Variants in ARHGAP39 observed in about 807,000 individuals in gnomAD.
ARHGAP39 encodes the protein Rho GTPase activating protein 39.
A neutral mutation model predicts 106.9 loss-of-function variants in ARHGAP39; 44 were observed. The observed-to-expected ratio is 0.41, with a 90% CI of 0.32 to 0.53. The LOEUF (loss-of-function observed/expected upper bound fraction) is 0.53. Among genes scored for constraint, ARHGAP39 ranks in the 20% least tolerant of loss-of-function variants. ARHGAP39 has a pLI of 0.21. For missense variants in ARHGAP39, 1,496 were observed against 1,577.3 expected (o/e 0.95, Z 0.87); for synonymous variants, 768 against 693.2 (o/e 1.11, Z -1.69).
intron 1 of ARHGAP39, among the ~76,000 whole-genome samples, chr8:144,619,197 G>A (rs142938149): frequency 2.6e-5 from 4 of 152,342 alleles, no homozygotes; most frequent in Admixed American, 2.6e-4. Context: ...TGGAACAGAG[G>A]ATGCTCTGTG....
chr8:144,619,141 C>T (rs934125682), intron 1 of ARHGAP39, among the ~76,000 whole-genome samples: 3 of 152,202 alleles, frequency 2.0e-5, no homozygotes, highest in African/African-American at 7.2e-5. Context: ...AAGTTCCAGT[C>T]ATGAGTGGGC....
At position 144,545,636 on chromosome 8, in the gene ARHGAP39, G is replaced by A. The variant is rs142076644; in HGVS notation, c.2134C>T (p.Arg712Trp). ...AGCATGTTGGCGATGGACACCTTCCGCCGGAAGAGGCCCTGCGTGTGCTTG... is the reference window on the plus strand; with the variant it reads ...AGCATGTTGGCGATGGACACCTTCCACCGGAAGAGGCCCTGCGTGTGCTTG... ...FNKHTQGLFR[R>W]KVSIANMLAW... is the part of the protein sequence containing the mutation. The change falls in exon 6 of 12, where the codon CGG (arginine) becomes TGG (tryptophan). Residue 712 changes from arginine (R) to tryptophan (W), a missense_variant. Physicochemically the swap from Arg to Trp is moderately radical, Grantham distance 101 (BLOSUM62 -3). This residue lies in a region of ARHGAP39 where 470 missense variants were observed against 605.1 expected (regional missense o/e 0.78). Transcript: ENST00000377307. 3.1e-6 allele frequency: 5 copies of A among 1,613,634 alleles called. No homozygotes were observed. Among genetic ancestry groups the A allele is most frequent in the African/African-American group, 1.3e-5 (1 of 75,054 alleles).
intron 3 of ARHGAP39, among the ~76,000 whole-genome samples, chr8:144,570,119 G>T (rs546468590): frequency 6.6e-6 from 1 of 152,206 alleles, no homozygotes; most frequent in Non-Finnish European, 1.5e-5. Context: ...TACTCAGGAG[G>T]CTGAGGCAGG....
intron 1 of ARHGAP39, among the ~76,000 whole-genome samples, chr8:144,657,882 C>T (rs2129672488): frequency 1.3e-5 from 2 of 152,292 alleles, no homozygotes; most frequent in South Asian, 4.1e-4. Flanking sequence ...TAGCTACAGT[C>T]AGCCCTCCAC....
intron 1 of ARHGAP39, among the ~76,000 whole-genome samples, chr8:144,682,612 T>C (rs528767750): frequency 6.6e-5 from 10 of 152,076 alleles, no homozygotes; most frequent in African/African-American, 2.4e-4. Context: ...AATGTTACAC[T>C]GCTGGTGATT....
Position 144,548,702 on chromosome 8 carries a change from A to G in ARHGAP39, c.597-213T>C, listed in dbSNP as rs1399109934. Among the ~76,000 whole-genome samples the G allele has an allele frequency of 6.6e-6, 1 of 152,112 alleles. No homozygotes were observed. Among genetic ancestry groups the G allele is most frequent in the African/African-American group, 2.4e-5 (1 of 41,430 alleles). Reference sequence around the variant, plus strand: ...TCTCCTGGAGCTGCCGCCCACGACCAGGTGTCTGTCTGCTCTGATCCCAGC... The same window carrying G: ...TCTCCTGGAGCTGCCGCCCACGACCGGGTGTCTGTCTGCTCTGATCCCAGC... On this transcript the variant is annotated intron_variant, in intron 4 of 11. Transcript: ENST00000377307. This position sits in a 1 kb window ranked among gnomAD's most constrained non-coding sequence, Gnocchi z 7.4.
chr8:144,629,702 G>A (rs1488443725), intron 1 of ARHGAP39, among the ~76,000 whole-genome samples: 1 of 152,238 alleles, frequency 6.6e-6, no homozygotes, highest in Non-Finnish European at 1.5e-5. Flanking sequence ...CTGCCCAGGG[G>A]CCTGGGGCCA....
chr8:144,532,818 G>C (rs954119031), intron 9 of ARHGAP39, among the ~76,000 whole-genome samples: 1 of 152,210 alleles, frequency 6.6e-6, no homozygotes, highest in African/African-American at 2.4e-5. Context: ...CCTGTCATCT[G>C]AGGCTCCCAC....
intron 2 of ARHGAP39, among the ~76,000 whole-genome samples, chr8:144,598,778 C>T (rs1464338322): frequency 6.6e-6 from 1 of 152,200 alleles, no homozygotes; most frequent in African/African-American, 2.4e-5. Context: ...GGATGGCCAA[C>T]CTGACTACAC....
chr8:144,537,881 C>G, intron 6 of ARHGAP39, 68 bp from the exon 7 acceptor site: 1 of 1,441,682 alleles, frequency 6.9e-7, no homozygotes, highest in South Asian at 1.2e-5. Flanking sequence ...ACTCAGCTCC[C>G]GCACTTGGCT....
chr8:144,631,072 C>T (rs1821049095), intron 1 of ARHGAP39, among the ~76,000 whole-genome samples: 1 of 152,186 alleles, frequency 6.6e-6, no homozygotes, highest in African/African-American at 2.4e-5. Flanking sequence ...AAAGCAGGGG[C>T]AAGAGGGGGC....
intron 3 of ARHGAP39, among the ~76,000 whole-genome samples, chr8:144,571,328 T>C (rs1297939411): frequency 6.6e-6 from 1 of 152,118 alleles, no homozygotes; most frequent in Admixed American, 6.5e-5. Flanking sequence ...TGGTTCAACA[T>C]ACGCAAATCA....
chr8:144,601,971 G>T (rs189070958), intron 2 of ARHGAP39, among the ~76,000 whole-genome samples: 1 of 138,500 alleles, frequency 7.2e-6, no homozygotes, highest in African/African-American at 2.8e-5. Flanking sequence ...GTTCATGTGC[G>T]TGGAGGTGCG....
In ARHGAP39 at chr8:144,530,834, C is replaced by T. The variant is rs752433867; in HGVS notation, c.3018G>A (p.Glu1006=). Residue 1006 remains glutamate, a synonymous_variant, in exon 11 of 12, where the codon GAG becomes GAA. Coordinates refer to ENST00000377307, the MANE Select transcript of ARHGAP39 (RefSeq NM_025251.3). The part of the protein sequence containing the change: ...LLKLWYRELE[E]PLIPHEFYEQ... ...CGTAGAACTCGTGCGGGATCAGGGG[C>T]TCCTCCAGCTCCCGGTACCACAGCT... The T allele has an allele frequency of 6.2e-7, 1 of 1,610,956 alleles. No homozygotes were observed. Among genetic ancestry groups the T allele is most frequent in the Non-Finnish European group, 8.5e-7 (1 of 1,179,590 alleles).
At chr8:144,599,169 G>A (rs1373075837) in intron 2 of ARHGAP39, among the ~76,000 whole-genome samples, 1 of 152,286 alleles carries the variant, frequency 6.6e-6, no homozygotes, top group Admixed American at 6.5e-5. Flanking sequence ...GCAGTCCCTC[G>A]TCAGAAATTC....
At chr8:144,633,292 A>G (rs944560117) in intron 1 of ARHGAP39, among the ~76,000 whole-genome samples, 2 of 152,284 alleles carry the variant, frequency 1.3e-5, no homozygotes, top group African/African-American at 2.4e-5. Context: ...CCCCGTCTCT[A>G]CTAAAAACAC....
At chr8:144,627,682 C>T (rs1254007139) in intron 1 of ARHGAP39, among the ~76,000 whole-genome samples, 1 of 152,110 alleles carries the variant, frequency 6.6e-6, no homozygotes, top group African/African-American at 2.4e-5. Flanking sequence ...CACTTGAGCC[C>T]AGGAGGTTGA....
intron 2 of ARHGAP39, among the ~76,000 whole-genome samples, chr8:144,600,828 G>A (rs370230654): frequency 7.3e-5 from 11 of 151,016 alleles, no homozygotes; most frequent in East Asian, 4.0e-4. Flanking sequence ...TGTGCGTGGA[G>A]GCGTGTGTGT....
chr8:144,697,467 T>C, the ARHGAP39 span, among the ~76,000 whole-genome samples: 1 of 152,188 alleles, frequency 6.6e-6, no homozygotes, highest in East Asian at 1.9e-4. Flanking sequence ...GCTCTAGAAT[T>C]GTATTCAATG....
Sources: allele counts gnomAD v4.1 joint callset (sites outside exome capture counted in the v4.1 genomes callset), GRCh38; gene constraint gnomAD v4.1.1; regional missense constraint gnomAD v4.1.1; non-coding constraint Gnocchi (gnomAD v3.1); transcripts MANE v1.5; gene names NCBI Gene and HGNC (gene_info 2026-07-23, HGNC 2026-07-21).